RIOK3: variants seen among roughly 807,000 people sequenced by gnomAD.
RIOK3 encodes RIO kinase 3, also known as serine/threonine-protein kinase RIO3.
In RIOK3, 40 loss-of-function variants were observed where a neutral mutation model predicts 63.5. The observed-to-expected ratio is 0.63, with a 90% CI of 0.49 to 0.82. The LOEUF is 0.82. Among genes scored for constraint, RIOK3 ranks in the 40% least tolerant of loss-of-function variants. RIOK3 has a pLI of 0.00. For synonymous variants in RIOK3, 193 were observed against 205.0 expected (o/e 0.94, Z 0.50); for missense variants, 557 against 637.0 (o/e 0.87, Z 1.35).
In RIOK3 at chr18:23,470,519, A is replaced by G. The variant is rs137962735; in HGVS notation, c.816-2910A>G. On this transcript the variant is annotated intron_variant, in intron 7 of 12. Coordinates refer to ENST00000339486, the MANE Select transcript of RIOK3 (RefSeq NM_003831.5). ...TATATATTATCTTTTAAAAGAGACT[A>G]GAAATACAGCATTTATGATAGTTAT... Among the ~76,000 whole-genome samples, 609 of 152,356 alleles carry G rather than the reference A, an allele frequency of 4.0e-3. 8 individuals are homozygous for G. The highest frequency in any genetic ancestry group is 0.014 in the African/African-American group (582 of 41,586).
At chr18:23,469,614 G>A (rs1204604137) in intron 7 of RIOK3, among the ~76,000 whole-genome samples, 2 of 150,436 alleles carry the variant, frequency 1.3e-5, no homozygotes, top group South Asian at 2.1e-4. Flanking sequence ...CAGCCTCCCC[G>A]GTAGCGGGGA....
chr18:23,473,262 C>G (rs191502687), intron 7 of RIOK3, among the ~76,000 whole-genome samples, 167 bp from the exon 8 acceptor site: 8 of 152,068 alleles, frequency 5.3e-5, no homozygotes, highest in African/African-American at 1.7e-4. Context: ...AAAAATCAAA[C>G]CAAAACCTAA....
At chr18:23,468,283 C>G (rs1439902520) in intron 7 of RIOK3, among the ~76,000 whole-genome samples, 2 of 141,100 alleles carry the variant, frequency 1.4e-5, no homozygotes, top group Non-Finnish European at 3.1e-5. Context: ...CTGTTATACT[C>G]AATATACTCC....
At chr18:23,459,482 A>G (rs1197486679) in intron 1 of RIOK3, among the ~76,000 whole-genome samples, 1 of 152,194 alleles carries the variant, frequency 6.6e-6, no homozygotes, top group Admixed American at 6.5e-5. Context: ...ATGAACCCTA[A>G]TACAGTGATG....
chr18:23,453,767 G>T (rs1482496117), intron 1 of RIOK3, among the ~76,000 whole-genome samples: 1 of 152,228 alleles, frequency 6.6e-6, no homozygotes, highest in Non-Finnish European at 1.5e-5. Flanking sequence ...TATCACCGTA[G>T]CATGTATTTG....
chr18:23,464,778 C>T (rs1370140636), intron 5 of RIOK3, 150 bp downstream of exon 5: 1 of 446,262 alleles, frequency 2.2e-6, no homozygotes, highest in Non-Finnish European at 4.0e-6. Flanking sequence ...ATCATGGAAA[C>T]TGAGACATTA....
chr18:23,477,768 A>G (rs2057502617), intron 11 of RIOK3, among the ~76,000 whole-genome samples: 1 of 138,090 alleles, frequency 7.2e-6, no homozygotes, highest in Non-Finnish European at 1.5e-5. Flanking sequence ...CTCCGTCTCA[A>G]AAAAAAAAAA....
At chr18:23,467,595 C>T in intron 7 of RIOK3, 69 bp downstream of exon 7, 1 of 1,453,406 alleles carries the variant, frequency 6.9e-7, no homozygotes, top group South Asian at 1.2e-5. Flanking sequence ...AATGAATTTA[C>T]ACAGAATCAA....
intron 5 of RIOK3, among the ~76,000 whole-genome samples, chr18:23,465,186 A>G (rs1414359839): frequency 6.6e-6 from 1 of 152,198 alleles, no homozygotes; most frequent in East Asian, 1.9e-4. Context: ...AGCCTGACCA[A>G]CATGGAAAAA....
chr18:23,470,781 G>T (rs528871003), intron 7 of RIOK3, among the ~76,000 whole-genome samples: 34 of 152,160 alleles, frequency 2.2e-4, no homozygotes, highest in Middle Eastern at 3.2e-3. Context: ...TGAGAAACAG[G>T]ATCTTTTTGT....
intron 12 of RIOK3, among the ~76,000 whole-genome samples, chr18:23,480,476 A>G: frequency 6.6e-6 from 1 of 151,968 alleles, no homozygotes; most frequent in East Asian, 1.9e-4. Flanking sequence ...AGCTGGATAA[A>G]GATAGTAAAT....
rs1325790359 is a variant in RIOK3 at position 23,453,484 on chromosome 18, G to A, written c.45G>A (p.Ala15=). The change falls in exon 1 of 13, where the codon GCG becomes GCA. Residue 15 remains alanine (A), a synonymous_variant. Transcript: ENST00000339486. ...GVASPEPGTA[A]AWGPSKCPWA... Reference sequence around the variant, plus strand: ...CATCGCCTGAGCCCGGGACGGCAGCGGCCTGGGGACCCAGCAAGGTAAGTG... The same window carrying A: ...CATCGCCTGAGCCCGGGACGGCAGCAGCCTGGGGACCCAGCAAGGTAAGTG... 2 of 1,613,700 alleles carry A rather than the reference G, an allele frequency of 1.2e-6. No homozygotes were observed. Among genetic ancestry groups the A allele is most frequent in the South Asian group, 2.2e-5 (2 of 91,078 alleles).
intron 12 of RIOK3, among the ~76,000 whole-genome samples, chr18:23,479,931 C>T (rs530866369): frequency 1.3e-5 from 2 of 152,178 alleles, no homozygotes; most frequent in South Asian, 2.1e-4. Context: ...CATTTCTTCA[C>T]GGAGGGCACC....
chr18:23,473,436 G>A lies in RIOK3; in HGVS notation c.823G>A (p.Asp275Asn). The A allele has an allele frequency of 2.5e-6, 4 of 1,604,434 alleles. No homozygotes were observed. The highest frequency in any genetic ancestry group is 3.4e-6 in the Non-Finnish European group (4 of 1,174,796). The change falls in exon 8 of 13, where the codon GAT becomes AAT. Residue 275 changes from aspartate to asparagine, a missense_variant. By Grantham distance (23) the Asp-to-Asn change is conservative. Around this residue, in one of 3 missense-constraint regions of RIOK3, gnomAD observed 309 missense variants for 338.7 expected, o/e 0.91. Coordinates refer to ENST00000339486, the MANE Select transcript of RIOK3 (RefSeq NM_003831.5). ...TTTTTTTCTTCCACTTAGCATGGAG[G>A]ATGAAAAGGAAGATAGTAAAGTTAT... ...VFHAYGGSME[D>N]EKEDSKVIPT...
chr18:23,478,529 T>C (rs1244819880), intron 11 of RIOK3, among the ~76,000 whole-genome samples: 1 of 147,680 alleles, frequency 6.8e-6, no homozygotes, highest in Non-Finnish European at 1.5e-5. Flanking sequence ...AAGTTCAAGA[T>C]TATAGCGAGC....
At chr18:23,469,401 TCCC>T (rs2057439130) in intron 7 of RIOK3, among the ~76,000 whole-genome samples, 1 of 77,534 alleles carries the variant, frequency 1.3e-5, no homozygotes, top group African/African-American at 5.4e-5. Context: ...CTCTCCTCTC[TCCC>T]CTCTCTCCTC....
rs965238437 is a variant in RIOK3 at position 23,477,078 on chromosome 18, G to A, written c.1246G>A (p.Ala416Thr). The change falls in exon 10 of 13, where the codon GCT (alanine) becomes ACT (threonine). Residue 416 changes from alanine (A) to threonine (T), a missense_variant. By Grantham distance (58) the Ala-to-Thr change is moderately conservative (BLOSUM62 0). This residue lies in a region of RIOK3 where 309 missense variants were observed against 338.7 expected (regional missense o/e 0.91). Coordinates refer to ENST00000339486, the MANE Select transcript of RIOK3 (RefSeq NM_003831.5). ...CAGTGAGTATAACATGCTGTGGCAT[G>A]CTGGAAAGGTGAGGAGCACATTTTG... is the stretch of plus-strand genomic sequence containing the variant. The part of the protein sequence containing the change: ...DLSEYNMLWH[A>T]GKVWLIDVSQ... 2 of 1,613,972 alleles carry A rather than the reference G, an allele frequency of 1.2e-6. No individual in the cohort carries two copies. Among genetic ancestry groups the A allele is most frequent in the Admixed American group, 3.3e-5 (2 of 60,020 alleles).
At chr18:23,467,716 T>A in intron 7 of RIOK3, 190 bp downstream of exon 7, 1 of 316,658 alleles carries the variant, frequency 3.2e-6, no homozygotes, top group East Asian at 5.2e-5. Flanking sequence ...CACCCAGAGA[T>A]AATCATTAAT....
Position 23,481,409 on chromosome 18 carries a change from T to G in RIOK3, c.*130T>G. On this transcript the variant is annotated 3_prime_UTR_variant, in exon 13 of 13. Coordinates refer to ENST00000339486, the MANE Select transcript of RIOK3 (RefSeq NM_003831.5). ...ATGGTGCTTCTGTGCTTTTCCCCCT[T>G]GTAACCCATGTGCCAGATGTGTGGA... 1 of 583,106 alleles carries G rather than the reference T, an allele frequency of 1.7e-6. No homozygotes were observed. Among genetic ancestry groups the G allele is most frequent in the Non-Finnish European group, 3.0e-6 (1 of 335,432 alleles). 36.1% of individuals were successfully genotyped at this position (583,106 alleles called of 1,614,324 possible). A position where few individuals can be genotyped will look rare whatever the true frequency, so the allele number is the denominator to read the frequency against.
Sources: allele counts gnomAD v4.1 joint callset (sites outside exome capture counted in the v4.1 genomes callset), GRCh38; gene constraint gnomAD v4.1.1; regional missense constraint gnomAD v4.1.1; transcripts MANE v1.5; gene names NCBI Gene and HGNC (gene_info 2026-07-23, HGNC 2026-07-21).